CADM2: variants seen among roughly 807,000 people sequenced by gnomAD.
CADM2 encodes cell adhesion molecule 2, also known as immunoglobulin superfamily member 4D.
CADM2 carries 12 observed loss-of-function variants against 49.8 expected under a neutral mutation model. The observed-to-expected ratio is 0.24, with a 90% CI of 0.15 to 0.39. The LOEUF (loss-of-function observed/expected upper bound fraction) is 0.39, where lower values mean the gene tolerates loss of function less well. CADM2 is among the 10% of genes least tolerant of loss of function. The probability of loss-of-function intolerance (pLI) is 1.00; values close to 1 mark genes in which losing one functional copy is unlikely to be tolerated. For missense variants in CADM2, 378 were observed against 492.3 expected (o/e 0.77, Z 2.20); for synonymous variants, 214 against 175.4 (o/e 1.22, Z -1.74).
At chr3:85,395,607 G>T (rs1032202405) in intron 1 of CADM2, among the ~76,000 whole-genome samples, 1 of 151,966 alleles carries the variant, frequency 6.6e-6, no homozygotes, top group East Asian at 1.9e-4. Context: ...TTCTTCAGAA[G>T]AATAAAAACA....
At chr3:85,679,523 A>G (rs1445557377) in intron 1 of CADM2, among the ~76,000 whole-genome samples, 1 of 152,234 alleles carries the variant, frequency 6.6e-6, no homozygotes, top group Non-Finnish European at 1.5e-5. Context: ...ATATTGGGAC[A>G]TAATAGGCAC....
chr3:86,032,821 G>T (rs1415071317), intron 8 of CADM2, among the ~76,000 whole-genome samples: 1 of 151,806 alleles, frequency 6.6e-6, no homozygotes, highest in Non-Finnish European at 1.5e-5. Flanking sequence ...CCTAAATTTT[G>T]TATGAAATAG....
At chr3:85,881,529 C>T (rs1338070563) in intron 3 of CADM2, among the ~76,000 whole-genome samples, 2 of 152,034 alleles carry the variant, frequency 1.3e-5, no homozygotes, top group Non-Finnish European at 2.9e-5. Context: ...AAGCAGTTGC[C>T]CTGTTAAGGT....
chr3:85,068,016 T>C (rs1365435730), intron 1 of CADM2, among the ~76,000 whole-genome samples: 3 of 152,142 alleles, frequency 2.0e-5, no homozygotes, highest in African/African-American at 7.2e-5. Context: ...AGACAGCTTA[T>C]GCCAGTCAGC....
At chr3:85,325,829 T>C (rs1021354988) in intron 1 of CADM2, among the ~76,000 whole-genome samples, 2 of 152,196 alleles carry the variant, frequency 1.3e-5, no homozygotes, top group Non-Finnish European at 2.9e-5. Flanking sequence ...AAATATGTAT[T>C]TAGTGCCATC....
intron 1 of CADM2, among the ~76,000 whole-genome samples, chr3:85,635,949 TG>T (rs1406245735): frequency 6.6e-6 from 1 of 152,210 alleles, no homozygotes; most frequent in Non-Finnish European, 1.5e-5. Flanking sequence ...ATTACTCATA[TG>T]TTTCTGGTGA....
At chr3:85,900,203 T>C (rs1715924345) in intron 5 of CADM2, among the ~76,000 whole-genome samples, 1 of 152,246 alleles carries the variant, frequency 6.6e-6, no homozygotes, top group African/African-American at 2.4e-5. Context: ...AAACAACAAT[T>C]TGTCTCTGTT....
intron 1 of CADM2, among the ~76,000 whole-genome samples, chr3:85,697,757 G>A (rs2066615925): frequency 6.6e-6 from 1 of 152,084 alleles, no homozygotes; most frequent in South Asian, 2.1e-4. Context: ...TGGATTGCTG[G>A]TGTATTCCTC....
At chr3:86,032,149 AC>A (rs1277554162) in intron 8 of CADM2, among the ~76,000 whole-genome samples, 2 of 151,778 alleles carry the variant, frequency 1.3e-5, no homozygotes, top group African/African-American at 4.8e-5. Context: ...TAAATGAGCA[AC>A]ATATAGACTC....
In CADM2 at chr3:85,928,409, G is replaced by A. The variant is rs563164792; in HGVS notation, c.701-7358G>A. On this transcript the variant is annotated intron_variant, in intron 6 of 9. Coordinates refer to ENST00000383699, the MANE Select transcript of CADM2 (RefSeq NM_001167675.2). ...CCTGACCTCATGATCCGTCCACCTC[G>A]GCCTCCGAAAGTGCTGGGATTACAG... 1.6e-4 allele frequency among the ~76,000 whole-genome samples: 25 copies of A among 152,010 alleles called. No homozygotes were observed. In the South Asian group the frequency reaches 4.4e-3, roughly 27 times the overall value.
chr3:85,641,330 C>T (rs758182763), intron 1 of CADM2, among the ~76,000 whole-genome samples: 1 of 152,164 alleles, frequency 6.6e-6, no homozygotes, highest in East Asian at 1.9e-4. Context: ...ACCCTATACT[C>T]TCATCTCTAG....
chr3:85,267,466 C>G (rs929105534), intron 1 of CADM2, among the ~76,000 whole-genome samples: 1 of 151,684 alleles, frequency 6.6e-6, no homozygotes, highest in Non-Finnish European at 1.5e-5. Flanking sequence ...GTCATCCTCC[C>G]AGAGCAGAAA....
chr3:85,979,056 G>A, intron 8 of CADM2: 1 of 1,247,348 alleles, frequency 8.0e-7, no homozygotes, highest in Non-Finnish European at 1.1e-6. Flanking sequence ...GTTAAAGCTT[G>A]TTAAAGTTAA....
At chr3:85,207,125 TAG>T (rs754074433) in intron 1 of CADM2, among the ~76,000 whole-genome samples, 3 of 151,884 alleles carry the variant, frequency 2.0e-5, no homozygotes, top group Non-Finnish European at 4.4e-5. Context: ...TTTCAAAATT[TAG>T]AGTTTGTTCA....
At chr3:85,721,164 T>G (rs1225427629) in intron 1 of CADM2, among the ~76,000 whole-genome samples, 1 of 152,190 alleles carries the variant, frequency 6.6e-6, no homozygotes, top group East Asian at 1.9e-4. Context: ...TGGGAAGTAG[T>G]GGCAATGCCA....
At chr3:85,837,556 T>C (rs1026530624) in intron 3 of CADM2, among the ~76,000 whole-genome samples, 6 of 151,728 alleles carry the variant, frequency 4.0e-5, no homozygotes, top group Non-Finnish European at 1.5e-5. Flanking sequence ...TTTTTTCCAA[T>C]TGTGTCAGTT....
chr3:85,649,810 C>T lies in CADM2; in HGVS notation c.62-76712C>T, dbSNP rs182520470. On this transcript the variant is annotated intron_variant, in intron 1 of 9. Transcript: ENST00000383699. ...CAGTGGCTCAGTCCAGTTATAAATT[C>T]GTTTTCATTTGGTCAGGGACTGGTG... Among the ~76,000 whole-genome samples, 8 of 152,152 alleles carry T rather than the reference C, an allele frequency of 5.3e-5. No individual in the cohort carries two copies. The East Asian group carries it at 7.7e-4, about 15-fold the overall frequency.
intron 1 of CADM2, among the ~76,000 whole-genome samples, chr3:85,307,802 C>T (rs2044248836): frequency 6.6e-6 from 1 of 151,540 alleles, no homozygotes; most frequent in Non-Finnish European, 1.5e-5. Flanking sequence ...CTCAAATGAA[C>T]TATTTTTAAA....
At chr3:84,963,287 C>T (rs2030709761) in intron 1 of CADM2, among the ~76,000 whole-genome samples, 1 of 152,142 alleles carries the variant, frequency 6.6e-6, no homozygotes, top group Non-Finnish European at 1.5e-5. Flanking sequence ...TAAGTCCTCT[C>T]TTGGCTATAC....
Sources: allele counts gnomAD v4.1 joint callset (sites outside exome capture counted in the v4.1 genomes callset), GRCh38; gene constraint gnomAD v4.1.1; transcripts MANE v1.5; gene names NCBI Gene and HGNC (gene_info 2026-07-23, HGNC 2026-07-21).